Variants in MON1B observed in about 807,000 individuals in gnomAD.
MON1B encodes the protein vacuolar fusion protein MON1 homolog B.
A neutral mutation model predicts 45.1 loss-of-function variants in MON1B; 26 were observed. That is an observed-to-expected ratio of 0.58 (90% confidence interval 0.42 to 0.80). MON1B has a LOEUF of 0.80. Among genes scored for constraint, MON1B ranks in the 30% least tolerant of loss-of-function variants. The pLI is 0.00. For synonymous variants in MON1B, 395 were observed against 320.2 expected (o/e 1.23, Z -2.49); for missense variants, 737 against 754.5 (o/e 0.98, Z 0.27).
intron 2 of MON1B, among the ~76,000 whole-genome samples, chr16:77,191,911 G>A (rs921910268): frequency 3.9e-5 from 6 of 152,136 alleles, no homozygotes; most frequent in Non-Finnish European, 7.3e-5. Context: ...GGGTCACTGA[G>A]GATTTAGAGT....
chr16:77,199,591 T>C lies in MON1B; in HGVS notation c.*1283T>C, dbSNP rs145052441. 104 of 1,107,630 alleles carry C rather than the reference T, an allele frequency of 9.4e-5. No homozygotes were observed. The Admixed American group carries it at 2.2e-3, about 24-fold the overall frequency. The allele number at this position is 1,107,630 out of a possible 1,614,324, so 68.6% of individuals were successfully genotyped here. A position where few individuals can be genotyped will look rare whatever the true frequency, so the allele number is the denominator to read the frequency against. On this transcript the variant is annotated 3_prime_UTR_variant, in exon 6 of 6. Transcript: ENST00000248248. ...GGGAGGATTCGTCCCATTACAATAA[T>C]GAAATAATGATATTCTAATTTTTTT...
rs2054637209 is a variant in MON1B at position 77,193,844 on chromosome 16, T to A, written c.475+67T>A. 1 of 1,499,502 alleles carries A rather than the reference T, an allele frequency of 6.7e-7. No homozygotes were observed. The highest frequency in any genetic ancestry group is 1.9e-5 in the Admixed American group (1 of 53,026). 92.9% of individuals were successfully genotyped at this position (1,499,502 alleles called of 1,614,324 possible). A position where few individuals can be genotyped will look rare whatever the true frequency, so the allele number is the denominator to read the frequency against. ...GGAATATGGCTGGCACGGGTAGGTCTGTCTGCCTCAGGCACTATCCAGCCA... is the reference window on the plus strand; with the variant it reads ...GGAATATGGCTGGCACGGGTAGGTCAGTCTGCCTCAGGCACTATCCAGCCA... On this transcript the variant is annotated intron_variant, in intron 3 of 5. Coordinates refer to ENST00000248248, the MANE Select transcript of MON1B (RefSeq NM_014940.4). The surrounding 1 kb of genome is among the most constrained non-coding windows in gnomAD (Gnocchi z 5.0).
Position 77,199,304 on chromosome 16 carries a change from T to C in MON1B, c.*996T>C. 1.4e-6 allele frequency: 1 copy of C among 710,528 alleles called. No individual in the cohort carries two copies. The highest frequency in any genetic ancestry group is 2.4e-6 in the Non-Finnish European group (1 of 417,422). 44.0% of individuals were successfully genotyped at this position (710,528 alleles called of 1,614,324 possible). A position where few individuals can be genotyped will look rare whatever the true frequency, so the allele number is the denominator to read the frequency against. On this transcript the variant is annotated 3_prime_UTR_variant, in exon 6 of 6. Coordinates refer to ENST00000248248, the MANE Select transcript of MON1B (RefSeq NM_014940.4). Reference sequence around the variant, plus strand: ...GCTGGCAATCAGGGCCGCAGTGTGTTCTGCGCCTGCCCAGAGCTGACTCCT... The same window carrying C: ...GCTGGCAATCAGGGCCGCAGTGTGTCCTGCGCCTGCCCAGAGCTGACTCCT...
In MON1B at chr16:77,193,560, A is replaced by G; in HGVS notation, c.258A>G (p.Thr86=). ...WSPAAPENSP[T]CSPESSSGGQ... ...CTGCAGCCCCTGAGAATAGTCCCACATGTAGCCCTGAGAGTAGCTCTGGAG... is the reference window on the plus strand; with the variant it reads ...CTGCAGCCCCTGAGAATAGTCCCACGTGTAGCCCTGAGAGTAGCTCTGGAG... The change falls in exon 3 of 6, where the codon ACA becomes ACG. Residue 86 remains threonine (T), a synonymous_variant. Transcript: ENST00000248248. The surrounding 1 kb of genome is among the most constrained non-coding windows in gnomAD (Gnocchi z 5.0). 6.2e-7 allele frequency: 1 copy of G among 1,613,990 alleles called. No individual in the cohort carries two copies. Among genetic ancestry groups the G allele is most frequent in the South Asian group, 1.1e-5 (1 of 91,088 alleles).
rs753662511 is a variant in MON1B, at chr16:77,194,875, A to T, written c.1016A>T (p.Tyr339Phe). The part of the protein sequence containing the change: ...RFNPDGFFYA[Y>F]VARLDAMPVC... Reference sequence around the variant, plus strand: ...AACCCTGATGGTTTTTTCTACGCCTACGTGGCCCGCCTGGATGCTATGCCT... The same window carrying T: ...AACCCTGATGGTTTTTTCTACGCCTTCGTGGCCCGCCTGGATGCTATGCCT... The change falls in exon 4 of 6, where the codon TAC becomes TTC. Residue 339 changes from tyrosine to phenylalanine, a missense_variant. Transcript: ENST00000248248. This position sits in a 1 kb window ranked among gnomAD's most constrained non-coding sequence, Gnocchi z 8.1. 2 of 1,611,938 alleles carry T rather than the reference A, an allele frequency of 1.2e-6. No homozygotes were observed. The highest frequency in any genetic ancestry group is 8.5e-7 in the Non-Finnish European group (1 of 1,180,008).
Position 77,191,212 on chromosome 16 carries a change from C to T in MON1B, c.-57C>T, listed in dbSNP as rs1435996296. ...CGGAAGTGTGATGCCACCGCCGCTA[C>T]GGGGAAGTAATGGTATCCGGCCAAT... is the stretch of plus-strand genomic sequence containing the variant. On this transcript the variant is annotated 5_prime_UTR_variant, in exon 1 of 6. It adds an upstream start codon to the 5' untranslated region. Transcript: ENST00000248248. 3.9e-6 allele frequency: 6 copies of T among 1,536,248 alleles called. No homozygotes were observed. The highest frequency in any genetic ancestry group is 4.9e-5 in the East Asian group (2 of 40,914).
intron 5 of MON1B, among the ~76,000 whole-genome samples, chr16:77,196,609 C>A (rs535824437): frequency 6.6e-6 from 1 of 152,050 alleles, no homozygotes; most frequent in Non-Finnish European, 1.5e-5. Flanking sequence ...AACCCCGTCT[C>A]TACTAAAAAT....
In MON1B at chr16:77,193,690, G is replaced by A; in HGVS notation, c.388G>A (p.Glu130Lys). Residue 130 changes from glutamate to lysine, a missense_variant, in exon 3 of 6, where the codon GAG becomes AAG. Coordinates refer to ENST00000248248, the MANE Select transcript of MON1B (RefSeq NM_014940.4). This position sits in a 1 kb window ranked among gnomAD's most constrained non-coding sequence, Gnocchi z 5.0. ...CATCTACTCGCGGTATGGTAGTGTG[G>A]AGGCGCTGTCGGCTACCATGGGTGT... The part of the protein sequence containing the change: ...KPIYSRYGSV[E>K]ALSATMGVMT... 2 of 1,614,086 alleles carry A rather than the reference G, an allele frequency of 1.2e-6. No homozygotes were observed. The highest frequency in any genetic ancestry group is 1.7e-6 in the Non-Finnish European group (2 of 1,179,962).
chr16:77,193,728 G>C lies in MON1B; in HGVS notation c.426G>C (p.Leu142=). The part of the protein sequence containing the change: ...LSATMGVMTA[L]VSFVQSAGDA... ...CTACCATGGGTGTAATGACCGCCCT[G>C]GTGTCCTTTGTGCAGAGTGCGGGAG... The change falls in exon 3 of 6, where the codon CTG becomes CTC. Residue 142 remains leucine (L), a synonymous_variant. Coordinates refer to ENST00000248248, the MANE Select transcript of MON1B (RefSeq NM_014940.4). This position sits in a 1 kb window ranked among gnomAD's most constrained non-coding sequence, Gnocchi z 5.0. 2 of 1,613,998 alleles carry C rather than the reference G, an allele frequency of 1.2e-6. No individual in the cohort carries two copies. Among genetic ancestry groups the C allele is most frequent in the Non-Finnish European group, 1.7e-6 (2 of 1,179,912 alleles).
chr16:77,198,003 C>T, intron 5 of MON1B, 105 bp from the exon 6 acceptor site: 4 of 1,136,480 alleles, frequency 3.5e-6, no homozygotes, highest in Non-Finnish European at 5.2e-6. Flanking sequence ...CTGCCAGGTA[C>T]ATGTTCCAGG....
chr16:77,199,709 C>A lies in MON1B; in HGVS notation c.*1401C>A. 3.8e-6 allele frequency: 2 copies of A among 525,246 alleles called. No individual in the cohort carries two copies. Among genetic ancestry groups the A allele is most frequent in the South Asian group, 2.9e-5 (1 of 34,078 alleles). The allele number at this position is 525,246 out of a possible 1,614,324, so 32.5% of individuals were successfully genotyped here. A position where few individuals can be genotyped will look rare whatever the true frequency, so the allele number is the denominator to read the frequency against. Reference sequence around the variant, plus strand: ...AAATTAACAGGCATATTCTTATCACCGAGATTAACTTTTGTCAACTGTAGT... The same window carrying A: ...AAATTAACAGGCATATTCTTATCACAGAGATTAACTTTTGTCAACTGTAGT... On this transcript the variant is annotated 3_prime_UTR_variant, in exon 6 of 6. Coordinates refer to ENST00000248248, the MANE Select transcript of MON1B (RefSeq NM_014940.4).
chr16:77,198,340 G>A lies in MON1B; in HGVS notation c.*32G>A, dbSNP rs2054689064. The A allele has an allele frequency of 6.3e-7, 1 of 1,595,530 alleles. No homozygotes were observed. Among genetic ancestry groups the A allele is most frequent in the South Asian group, 1.1e-5 (1 of 90,692 alleles). On this transcript the variant is annotated 3_prime_UTR_variant, in exon 6 of 6. Transcript: ENST00000248248. ...GAGCTCCCAGACCAGGCAGTGCTGGGAGCAACCACCTTTGTTTTTTACCTT... is the reference window on the plus strand; with the variant it reads ...GAGCTCCCAGACCAGGCAGTGCTGGAAGCAACCACCTTTGTTTTTTACCTT...
At chr16:77,192,096 A>T (rs2054619975) in intron 2 of MON1B, among the ~76,000 whole-genome samples, 1 of 152,094 alleles carries the variant, frequency 6.6e-6, no homozygotes, top group Admixed American at 6.5e-5. Flanking sequence ...TCACTTGTAG[A>T]CTGTTGGGGA....
rs570008931 is a variant in MON1B, at chr16:77,194,309, C to A, written c.476-26C>A. 3.6e-4 allele frequency: 569 copies of A among 1,583,988 alleles called. 4 individuals carry two copies. In the South Asian group the frequency reaches 3.9e-3, roughly 11 times the overall value. ...GGTCATTCCTGATCCAGCTGTACCC[C>A]CCCTTCTTACCCCTTCCTTCCCTAG... On this transcript the variant is annotated intron_variant, in intron 3 of 5. Transcript: ENST00000248248. This position sits in a 1 kb window ranked among gnomAD's most constrained non-coding sequence, Gnocchi z 8.1.
intron 5 of MON1B, among the ~76,000 whole-genome samples, chr16:77,196,193 G>T (rs1342723404): frequency 6.6e-6 from 1 of 152,194 alleles, no homozygotes; most frequent in Non-Finnish European, 1.5e-5. Flanking sequence ...GGCCAGTGAA[G>T]GAGGCCTCAT....
chr16:77,194,278 C>A lies in MON1B; in HGVS notation c.476-57C>A. ...AGAGGGCAGAAGAGCCCCACTGTCT[C>A]CCTCTGGTCATTCCTGATCCAGCTG... On this transcript the variant is annotated intron_variant, in intron 3 of 5. Transcript: ENST00000248248. The surrounding 1 kb of genome is among the most constrained non-coding windows in gnomAD (Gnocchi z 8.1). 1 of 1,467,338 alleles carries A rather than the reference C, an allele frequency of 6.8e-7. No individual in the cohort carries two copies. Among genetic ancestry groups the A allele is most frequent in the Non-Finnish European group, 9.4e-7 (1 of 1,060,416 alleles). The allele number at this position is 1,467,338 out of a possible 1,614,324, so 90.9% of individuals were successfully genotyped here. A position where few individuals can be genotyped will look rare whatever the true frequency, so the allele number is the denominator to read the frequency against.
At chr16:77,197,089 A>G (rs80177487) in intron 5 of MON1B, among the ~76,000 whole-genome samples, 12,275 of 152,082 alleles carry the variant, frequency 0.081, 572 homozygotes, top group East Asian at 0.16. Flanking sequence ...AAACCAAGAT[A>G]TGGGCCAGAC....
Position 77,193,834 on chromosome 16 carries a change from C to T in MON1B, c.475+57C>T, listed in dbSNP as rs1336197458. 6.0e-5 allele frequency: 92 copies of T among 1,529,498 alleles called. No homozygotes were observed. The East Asian group carries it at 1.6e-3, about 27-fold the overall frequency. 94.7% of individuals were successfully genotyped at this position (1,529,498 alleles called of 1,614,324 possible). A position where few individuals can be genotyped will look rare whatever the true frequency, so the allele number is the denominator to read the frequency against. Reference sequence around the variant, plus strand: ...ACAGTGACTGGGAATATGGCTGGCACGGGTAGGTCTGTCTGCCTCAGGCAC... The same window carrying T: ...ACAGTGACTGGGAATATGGCTGGCATGGGTAGGTCTGTCTGCCTCAGGCAC... On this transcript the variant is annotated intron_variant, in intron 3 of 5. Transcript: ENST00000248248. The surrounding 1 kb of genome is among the most constrained non-coding windows in gnomAD (Gnocchi z 5.0).
intron 5 of MON1B, among the ~76,000 whole-genome samples, chr16:77,197,885 C>A (rs2054682211): frequency 6.6e-6 from 1 of 152,154 alleles, no homozygotes; most frequent in African/African-American, 2.4e-5. Context: ...AGAGTACCCA[C>A]ACACACAACC....
Sources: allele counts gnomAD v4.1 joint callset (sites outside exome capture counted in the v4.1 genomes callset), GRCh38; gene constraint gnomAD v4.1.1; non-coding constraint Gnocchi (gnomAD v3.1); transcripts MANE v1.5; gene names NCBI Gene and HGNC (gene_info 2026-07-23, HGNC 2026-07-21).